The following FRMPD4 variants were observed in gnomAD, a reference collection of about 807,000 sequenced individuals.
The protein encoded by FRMPD4 is FERM and PDZ domain containing 4.
Under a neutral mutation model 94.1 loss-of-function variants are expected in FRMPD4, and 22 were observed. That is an observed-to-expected ratio of 0.23 (90% CI 0.17 to 0.33). FRMPD4 has a LOEUF of 0.33. Ranked by LOEUF, FRMPD4 falls within the 10% of genes least tolerant of loss-of-function variation. The pLI is 1.00. For synonymous variants in FRMPD4, 631 were observed against 548.6 expected, an observed-to-expected ratio of 1.15 and a Z score of -2.10; for missense variants, 1,111 against 1,339.9, an observed-to-expected ratio of 0.83 and a Z score of 2.67.
chrX:12,632,754 CAT>C (rs1044250449), intron 4 of FRMPD4, among the ~76,000 whole-genome samples: 3 of 111,697 alleles, frequency 2.7e-5, no homozygotes, highest in Non-Finnish European at 5.6e-5. Context: ...TAGCAGAGAC[CAT>C]CATGTTCAGA....
chrX:11,967,994 A>C (rs2054320340), intron 3 of FRMPD4, among the ~76,000 whole-genome samples: 1 of 110,188 alleles, frequency 9.1e-6, no homozygotes, highest in East Asian at 2.8e-4. Flanking sequence ...TTGGTCTTGC[A>C]TTCCATTTTC....
At chrX:12,379,642 C>CGTGTGTGTGTGTGTGT (rs55742933) in intron 1 of FRMPD4, among the ~76,000 whole-genome samples, 48 of 89,976 alleles carry the variant, frequency 5.3e-4, no homozygotes, top group African/African-American at 6.4e-4. Context: ...GATATGCTGC[C>CGTGTGTGTGTGTGTGT]GTGTGTGTGT....
At chrX:12,518,335 G>A (rs1310209095) in intron 2 of FRMPD4, among the ~76,000 whole-genome samples, 2 of 111,700 alleles carry the variant, frequency 1.8e-5, no homozygotes, top group African/African-American at 6.5e-5. Context: ...CCTGATTCCC[G>A]GGTTGCACAG....
chrX:12,193,834 GGAA>G (rs2056531904), intron 1 of FRMPD4, among the ~76,000 whole-genome samples: 2 of 33,014 alleles, frequency 6.1e-5, no homozygotes, highest in African/African-American at 2.3e-4. Flanking sequence ...AAGGAGGGAA[GGAA>G]GAAAGAAAAG....
At chrX:11,853,749 CA>C (rs2053638528) in intron 1 of FRMPD4, among the ~76,000 whole-genome samples, 1 of 111,295 alleles carries the variant, frequency 9.0e-6, no homozygotes, top group Non-Finnish European at 1.9e-5. Context: ...GCCTACCAAC[CA>C]AAAAAAGCCC....
intron 4 of FRMPD4, among the ~76,000 whole-genome samples, chrX:12,618,797 C>T (rs754109048): frequency 9.0e-6 from 1 of 111,497 alleles, no homozygotes; most frequent in East Asian, 2.8e-4. Context: ...CTGATAAATG[C>T]CATAGACTTT....
intron 3 of FRMPD4, among the ~76,000 whole-genome samples, chrX:11,966,261 G>A (rs1189829469): frequency 9.0e-6 from 1 of 111,107 alleles, no homozygotes; most frequent in Non-Finnish European, 1.9e-5. Context: ...TTGGGGAGGT[G>A]ATTAGGTCAT....
intron 1 of FRMPD4, among the ~76,000 whole-genome samples, chrX:12,462,752 G>A (rs2057402793): frequency 8.9e-6 from 1 of 112,256 alleles, no homozygotes; most frequent in Non-Finnish European, 1.9e-5. Context: ...ACTTTGGGAG[G>A]CCGAGGTGGG....
At chrX:11,958,238 A>G (rs2054266837) in intron 3 of FRMPD4, among the ~76,000 whole-genome samples, 1 of 111,801 alleles carries the variant, frequency 8.9e-6, no homozygotes, top group South Asian at 3.8e-4. Context: ...TAGTTGACAA[A>G]TTGAATATTC....
chrX:11,843,675 A>G (rs1427872271), intron 1 of FRMPD4, among the ~76,000 whole-genome samples: 1 of 110,730 alleles, frequency 9.0e-6, no homozygotes, highest in Non-Finnish European at 1.9e-5. Context: ...CTCCTGCCTT[A>G]GCCTCCCAAG....
chrX:11,919,031 C>A (rs971885354), intron 3 of FRMPD4, among the ~76,000 whole-genome samples: 3 of 112,520 alleles, frequency 2.7e-5, no homozygotes, highest in African/African-American at 9.7e-5. Flanking sequence ...TCCTTTCTAA[C>A]AAAGTCATTT....
upstream of FRMPD4, among the ~76,000 whole-genome samples, chrX:12,134,765 G>A (rs767697339): frequency 6.3e-5 from 7 of 111,320 alleles, no homozygotes; most frequent in African/African-American, 1.6e-4. Context: ...TAATCCAAGC[G>A]AATGTTGGGC....
chrX:12,184,745 G>A (rs1186050944), intron 1 of FRMPD4, among the ~76,000 whole-genome samples: 2 of 111,649 alleles, frequency 1.8e-5, no homozygotes, highest in African/African-American at 6.5e-5. Context: ...AACATTGCAT[G>A]TTCTCATTTA....
At chrX:12,308,699 T>C (rs1046786980) in intron 1 of FRMPD4, among the ~76,000 whole-genome samples, 2 of 111,559 alleles carry the variant, frequency 1.8e-5, no homozygotes, top group Middle Eastern at 4.7e-3. Flanking sequence ...CCAGAGACAA[T>C]TGGGAACAAT....
At chrX:12,625,509 ATTATG>A (rs1355516322) in intron 4 of FRMPD4, among the ~76,000 whole-genome samples, 1 of 112,022 alleles carries the variant, frequency 8.9e-6, no homozygotes, top group Non-Finnish European at 1.9e-5. Flanking sequence ...ACTCCAGTTC[ATTATG>A]TTAAGTGAAA....
intron 3 of FRMPD4, among the ~76,000 whole-genome samples, chrX:11,917,190 A>G (rs1170188236): frequency 8.9e-6 from 1 of 112,635 alleles, no homozygotes; most frequent in Non-Finnish European, 1.9e-5. Context: ...CCACAATGAG[A>G]TAACATCTCA....
intron 1 of FRMPD4, among the ~76,000 whole-genome samples, chrX:12,418,390 G>A (rs1465775235): frequency 5.5e-5 from 5 of 90,651 alleles, no homozygotes; most frequent in Non-Finnish European, 8.3e-5. Context: ...ATAGAGTCTC[G>A]CTCTGTTGCC....
chrX:12,126,077 G>A (rs1011596249), intron 3 of FRMPD4, among the ~76,000 whole-genome samples: 1 of 112,382 alleles, frequency 8.9e-6, no homozygotes, highest in Non-Finnish European at 1.9e-5. Context: ...CATAACAATT[G>A]AGATAACATT....
intron 2 of FRMPD4, among the ~76,000 whole-genome samples, chrX:12,557,454 C>T (rs73442716): frequency 0.088 from 9,893 of 111,914 alleles, 905 homozygotes; most frequent in African/African-American, 0.28. Flanking sequence ...TGCAAATCTC[C>T]CCAACAAAAG....
Sources: allele counts gnomAD v4.1 joint callset (sites outside exome capture counted in the v4.1 genomes callset), GRCh38; gene constraint gnomAD v4.1.1; transcripts MANE v1.5; gene names NCBI Gene and HGNC (gene_info 2026-07-23, HGNC 2026-07-21).